The following FSTL4 variants were observed in gnomAD, a reference collection of about 807,000 sequenced individuals.
The protein encoded by FSTL4 is follistatin like 4.
In FSTL4, 28 loss-of-function variants were observed where a neutral mutation model predicts 78.2. That is an observed-to-expected ratio of 0.36 (90% CI 0.27 to 0.49). The LOEUF (loss-of-function observed/expected upper bound fraction) is 0.49, where lower values mean the gene tolerates loss of function less well. Ranked by LOEUF, FSTL4 falls within the 20% of genes least tolerant of loss-of-function variation. FSTL4 has a pLI of 0.98. For synonymous variants in FSTL4, 422 were observed against 440.5 expected, an observed-to-expected ratio of 0.96 and a Z score of 0.53; for missense variants, 922 against 1,084.9, an observed-to-expected ratio of 0.85 and a Z score of 2.11.
intron 2 of FSTL4, among the ~76,000 whole-genome samples, chr5:133,596,759 T>C (rs995391660): frequency 6.6e-5 from 10 of 152,280 alleles, no homozygotes; most frequent in Non-Finnish European, 1.2e-4. Flanking sequence ...CCAACCCCTG[T>C]GCAAGATCAA....
intron 6 of FSTL4, among the ~76,000 whole-genome samples, chr5:133,293,090 G>T (rs764043115): frequency 6.6e-6 from 1 of 152,206 alleles, no homozygotes; most frequent in Non-Finnish European, 1.5e-5. Flanking sequence ...GCCACCTCCC[G>T]CCACTCCATC....
At chr5:133,655,071 C>A in the FSTL4 span, among the ~76,000 whole-genome samples, 1 of 152,190 alleles carries the variant, frequency 6.6e-6, no homozygotes, top group Non-Finnish European at 1.5e-5. Context: ...CTTTTCCAAC[C>A]CAATATAGCT....
chr5:133,404,546 A>C lies in FSTL4; in HGVS notation c.161-3560T>G, dbSNP rs116755707. Among the ~76,000 whole-genome samples the C allele has an allele frequency of 7.2e-3, 1,101 of 152,334 alleles. 7 individuals carry two copies. Among genetic ancestry groups the C allele is most frequent in the African/African-American group, 0.025 (1,051 of 41,580 alleles). ...CAGAAATGGGAACAGTTACATTAAC[A>C]TTATGGCGGCAGGAGAAATGAGTCT... On this transcript the variant is annotated intron_variant, in intron 3 of 15. Transcript: ENST00000265342.
intron 4 of FSTL4, among the ~76,000 whole-genome samples, chr5:133,380,469 A>T (rs1002325262): frequency 6.6e-6 from 1 of 152,118 alleles, no homozygotes. Flanking sequence ...AAAGACACAG[A>T]CTATTGAAAG....
intron 6 of FSTL4, among the ~76,000 whole-genome samples, chr5:133,290,114 T>A (rs1753224318): frequency 6.6e-6 from 1 of 152,158 alleles, no homozygotes; most frequent in African/African-American, 2.4e-5. Flanking sequence ...GCTGCCCAGG[T>A]GCAGCACCAG....
intron 1 of FSTL4, among the ~76,000 whole-genome samples, chr5:133,605,634 GGGA>G (rs963979876): frequency 4.0e-4 from 61 of 152,344 alleles, no homozygotes; most frequent in Middle Eastern, 3.4e-3. Flanking sequence ...AATGCCCACA[GGGA>G]GGAGAAGTCA....
chr5:133,649,400 T>G, the FSTL4 span, among the ~76,000 whole-genome samples: 1 of 152,220 alleles, frequency 6.6e-6, no homozygotes, highest in African/African-American at 2.4e-5. Context: ...CTGAATCTTA[T>G]GGTAAAAGTT....
At chr5:133,507,266 A>T (rs1161062645) in intron 3 of FSTL4, among the ~76,000 whole-genome samples, 2 of 152,208 alleles carry the variant, frequency 1.3e-5, no homozygotes, top group Non-Finnish European at 2.9e-5. Context: ...GTTTAGTTTA[A>T]TTTTTTAAAT....
the FSTL4 span, among the ~76,000 whole-genome samples, chr5:133,805,919 C>T: frequency 6.6e-6 from 1 of 152,200 alleles, no homozygotes; most frequent in African/African-American, 2.4e-5. Context: ...GAGTTAACAC[C>T]ACAGTCAGGC....
chr5:133,249,622 T>C (rs1374654947), intron 6 of FSTL4, 46 bp from the exon 7 acceptor site: 3 of 1,527,440 alleles, frequency 2.0e-6, no homozygotes, highest in South Asian at 2.3e-5. Context: ...GGCCCAGGGA[T>C]TGGAGTCTCA....
At chr5:133,749,265 T>G in the FSTL4 span, among the ~76,000 whole-genome samples, 233 of 152,158 alleles carry the variant, frequency 1.5e-3, 1 homozygote, top group African/African-American at 5.3e-3. Flanking sequence ...GTGGATGGAG[T>G]TAAGGCATGG....
At chr5:133,689,641 G>A in the FSTL4 span, among the ~76,000 whole-genome samples, 5 of 152,168 alleles carry the variant, frequency 3.3e-5, no homozygotes, top group Non-Finnish European at 7.3e-5. Context: ...TCTTTCCTTT[G>A]GGGATCCAGG....
chr5:133,795,373 T>G, the FSTL4 span, among the ~76,000 whole-genome samples: 1 of 152,172 alleles, frequency 6.6e-6, no homozygotes, highest in African/African-American at 2.4e-5. Context: ...ATGTTCACTG[T>G]GGAAGGAGAT....
At chr5:133,579,249 T>G (rs985355360) in intron 2 of FSTL4, among the ~76,000 whole-genome samples, 1 of 152,200 alleles carries the variant, frequency 6.6e-6, no homozygotes, top group South Asian at 2.1e-4. Context: ...CACATTCTAT[T>G]GCTAGAATGA....
At chr5:133,233,639 G>A in intron 7 of FSTL4, 102 bp from the exon 8 acceptor site, 1 of 1,418,130 alleles carries the variant, frequency 7.1e-7, no homozygotes, top group Non-Finnish European at 9.7e-7. Context: ...CTGGGAGAGA[G>A]TTCCTTTCTG....
chr5:133,741,180 C>T, the FSTL4 span, among the ~76,000 whole-genome samples: 1 of 152,222 alleles, frequency 6.6e-6, no homozygotes, highest in Non-Finnish European at 1.5e-5. Flanking sequence ...CAATCCTGGT[C>T]AACCAAGTGT....
chr5:133,727,260 G>C, the FSTL4 span, among the ~76,000 whole-genome samples: 1 of 152,056 alleles, frequency 6.6e-6, no homozygotes, highest in Non-Finnish European at 1.5e-5. Flanking sequence ...CTTGACCCTA[G>C]TGCAAGCTGA....
At chr5:133,489,903 C>T (rs185305379) in intron 3 of FSTL4, among the ~76,000 whole-genome samples, 1 of 152,290 alleles carries the variant, frequency 6.6e-6, no homozygotes, top group East Asian at 1.9e-4. Context: ...AAACCAGTGA[C>T]ATCATCTCCT....
At chr5:133,734,666 C>G in the FSTL4 span, among the ~76,000 whole-genome samples, 1 of 152,208 alleles carries the variant, frequency 6.6e-6, no homozygotes, top group African/African-American at 2.4e-5. Flanking sequence ...TTATGGATCT[C>G]ATTTCACTTA....
Sources: gnomAD v4.1 joint callset for allele counts (sites outside exome capture counted in the v4.1 genomes callset) on GRCh38, gnomAD v4.1.1 for gene constraint, MANE v1.5 for transcripts, NCBI Gene and HGNC (gene_info 2026-07-23, HGNC 2026-07-21) for gene names.